SFPQ: variants seen among roughly 807,000 people sequenced by gnomAD.
SFPQ encodes the protein splicing factor, proline- and glutamine-rich.
A neutral mutation model predicts 72.9 loss-of-function variants in SFPQ; 11 were observed. The observed-to-expected ratio is 0.15, with a 90% CI of 0.09 to 0.25. The LOEUF is 0.25. Among genes scored for constraint, SFPQ ranks in the 10% least tolerant of loss-of-function variants. SFPQ has a pLI of 1.00. For synonymous variants in SFPQ, 506 were observed against 367.3 expected (o/e 1.38, Z -4.32); for missense variants, 847 against 993.3 (o/e 0.85, Z 1.98).
intron 9 of SFPQ, among the ~76,000 whole-genome samples, chr1:35,185,582 CTT>C (rs934603765): frequency 2.8e-4 from 42 of 152,294 alleles, no homozygotes; most frequent in African/African-American, 9.9e-4. Flanking sequence ...GCAGCCTACA[CTT>C]TTTCTCATTC....
chr1:35,192,873 C>A lies in SFPQ; in HGVS notation c.177G>T (p.Pro59=). ...PGPGQSGPKP[P]IPPPPPHQQQ... ...GTTGGTGTGGAGGCGGTGGCGGGATCGGAGGCTTAGGGCCGCTCTGGCCCG... is the reference window on the plus strand; with the variant it reads ...GTTGGTGTGGAGGCGGTGGCGGGATAGGAGGCTTAGGGCCGCTCTGGCCCG... The change falls in exon 1 of 10, where the codon CCG becomes CCT. Residue 59 remains proline, a synonymous_variant. Transcript: ENST00000357214. 1 of 1,534,594 alleles carries A rather than the reference C, an allele frequency of 6.5e-7. No homozygotes were observed. Among genetic ancestry groups the A allele is most frequent in the Non-Finnish European group, 8.7e-7 (1 of 1,149,570 alleles).
downstream of SFPQ, chr1:35,179,770 C>G (rs1183374789): frequency 2.8e-6 from 3 of 1,054,946 alleles, no homozygotes; most frequent in Non-Finnish European, 1.1e-6. Context: ...CAAGTACATT[C>G]TCTAAAAATT....
chr1:35,184,210 A>G lies in SFPQ; in HGVS notation c.*246T>C, dbSNP rs1443573061. ...TCAGTGGCACAAGGTACACTGCCAT[A>G]AACTTGAGGGACATTATACAGTAAA... is the stretch of plus-strand genomic sequence containing the variant. On this transcript the variant is annotated 3_prime_UTR_variant, in exon 10 of 10. Transcript: ENST00000357214. 1 of 1,122,662 alleles carries G rather than the reference A, an allele frequency of 8.9e-7. No homozygotes were observed. The highest frequency in any genetic ancestry group is 1.0e-6 in the Non-Finnish European group (1 of 968,118). The allele number at this position is 1,122,662 out of a possible 1,614,324, so 69.5% of individuals were successfully genotyped here. A position where few individuals can be genotyped will look rare whatever the true frequency, so the allele number is the denominator to read the frequency against.
At chr1:35,189,553 G>A (rs963716288) in intron 4 of SFPQ, among the ~76,000 whole-genome samples, 171 bp from the exon 5 acceptor site, 1 of 152,180 alleles carries the variant, frequency 6.6e-6, no homozygotes, top group East Asian at 1.9e-4. Context: ...AGAACACTCA[G>A]TAAAAGAATG....
intron 2 of SFPQ, 88 bp from the exon 3 acceptor site, chr1:35,191,083 T>A (rs1639972043): frequency 8.3e-7 from 1 of 1,199,774 alleles, no homozygotes; most frequent in Non-Finnish European, 1.2e-6. Context: ...CTACTCCCTT[T>A]CTTCCTTCAG....
Position 35,183,682 on chromosome 1 carries a change from A to G in SFPQ, c.*774T>C, listed in dbSNP as rs182747612. On this transcript the variant is annotated 3_prime_UTR_variant, in exon 10 of 10. Coordinates refer to ENST00000357214, the MANE Select transcript of SFPQ (RefSeq NM_005066.3). ...CTTGAGATTTGTTGGTCTTTTAAAA[A>G]CAAGAAATGGGGAAATGCAACAAAA... 9.6e-6 allele frequency: 10 copies of G among 1,040,438 alleles called. No homozygotes were observed. The highest frequency in any genetic ancestry group is 1.2e-5 in the Non-Finnish European group (10 of 863,382). 64.5% of individuals were successfully genotyped at this position (1,040,438 alleles called of 1,614,324 possible).
At chr1:35,188,882 A>G in intron 6 of SFPQ, 121 bp downstream of exon 6, 1 of 742,628 alleles carries the variant, frequency 1.3e-6, no homozygotes, top group South Asian at 1.7e-5. Context: ...AATCGCTTGA[A>G]CCCAGGAAGC....
Position 35,184,385 on chromosome 1 carries a change from G to A in SFPQ, c.*71C>T, listed in dbSNP as rs913900705. 6.4e-7 allele frequency: 1 copy of A among 1,569,226 alleles called. No individual in the cohort carries two copies. Among genetic ancestry groups the A allele is most frequent in the East Asian group, 2.3e-5 (1 of 43,074 alleles). On this transcript the variant is annotated 3_prime_UTR_variant, in exon 10 of 10. Coordinates refer to ENST00000357214, the MANE Select transcript of SFPQ (RefSeq NM_005066.3). ...AAAAAGATAGCTTTCTTACTAAAAT[G>A]CAAGAATTTAAAAGATTGGTATCTA...
At chr1:35,189,490 A>C in intron 4 of SFPQ, 108 bp from the exon 5 acceptor site, 5 of 861,388 alleles carry the variant, frequency 5.8e-6, no homozygotes, top group Non-Finnish European at 8.7e-6. Flanking sequence ...AAGAGTACAA[A>C]AGGCAAAAAT....
chr1:35,190,809 C>T lies in SFPQ; in HGVS notation c.1204G>A (p.Val402Ile). The T allele has an allele frequency of 6.2e-7, 1 of 1,614,194 alleles. No individual in the cohort carries two copies. Among genetic ancestry groups the T allele is most frequent in the Non-Finnish European group, 8.5e-7 (1 of 1,180,038 alleles). ...GATCTTCCACGATCATCCACTATTA[C>T]AACAGCCCTTTCAATAGGACCAAAT... ...SQFGPIERAV[V>I]IVDDRGRSTG... Residue 402 changes from valine to isoleucine, a missense_variant, in exon 3 of 10, where the codon GTA becomes ATA. Around this residue, in one of 6 missense-constraint regions of SFPQ, gnomAD observed 132 missense variants for 255.4 expected, o/e 0.52. Coordinates refer to ENST00000357214, the MANE Select transcript of SFPQ (RefSeq NM_005066.3).
chr1:35,181,692 C>A (rs1639475059), downstream of SFPQ: 1 of 1,060,826 alleles, frequency 9.4e-7, no homozygotes, highest in African/African-American at 1.6e-5. Context: ...GAAATGGGGA[C>A]AAGTGGTTTC....
downstream of SFPQ, chr1:35,181,436 T>C (rs540375667): frequency 1.9e-6 from 2 of 1,063,556 alleles, no homozygotes; most frequent in Admixed American, 5.3e-5. Flanking sequence ...CCCCATTTTT[T>C]AGCTGTTTAT....
intron 6 of SFPQ, among the ~76,000 whole-genome samples, chr1:35,188,759 C>T (rs1019323817): frequency 6.6e-6 from 1 of 152,186 alleles, no homozygotes; most frequent in Non-Finnish European, 1.5e-5. Context: ...GAGTTCAAGG[C>T]CAGCCTGGCC....
chr1:35,179,941 T>C, downstream of SFPQ: 5 of 1,054,778 alleles, frequency 4.7e-6, no homozygotes, highest in Non-Finnish European at 5.7e-6. Flanking sequence ...ATATTGAGCA[T>C]TATACTTGAT....
At chr1:35,186,519 G>A (rs1275885247) in intron 9 of SFPQ, among the ~76,000 whole-genome samples, 1 of 152,126 alleles carries the variant, frequency 6.6e-6, no homozygotes, top group Non-Finnish European at 1.5e-5. Context: ...CCTTTTCATA[G>A]GATAGAAGCC....
At chr1:35,191,663 TGA>T (rs1245019112) in intron 1 of SFPQ, 134 bp from the exon 2 acceptor site, 1 of 659,102 alleles carries the variant, frequency 1.5e-6, no homozygotes, top group Non-Finnish European at 2.6e-6. Context: ...TTTTACTATG[TGA>T]GATTTCTAAC....
At chr1:35,181,633 A>T (rs1218239160), downstream of SFPQ, 1 of 1,060,592 alleles carries the variant, frequency 9.4e-7, no homozygotes, top group Non-Finnish European at 1.1e-6. Flanking sequence ...AAGTATAAAA[A>T]ACAACCAGTG....
At position 35,183,201 on chromosome 1, in the gene SFPQ, A is replaced by C; in HGVS notation, c.*1255T>G. 1 of 1,014,998 alleles carries C rather than the reference A, an allele frequency of 9.9e-7. No homozygotes were observed. The highest frequency in any genetic ancestry group is 1.2e-6 in the Non-Finnish European group (1 of 846,908). 62.9% of individuals were successfully genotyped at this position (1,014,998 alleles called of 1,614,324 possible). On this transcript the variant is annotated 3_prime_UTR_variant, in exon 10 of 10. Transcript: ENST00000357214. ...GTTACAGAGTACAAATGTATATATAACTAAACCTACTTCAGTACTAAACCT... is the reference window on the plus strand; with the variant it reads ...GTTACAGAGTACAAATGTATATATACCTAAACCTACTTCAGTACTAAACCT...
In SFPQ at chr1:35,184,005, G is replaced by T; in HGVS notation, c.*451C>A. 1.9e-6 allele frequency: 2 copies of T among 1,056,878 alleles called. No homozygotes were observed. Among genetic ancestry groups the T allele is most frequent in the Non-Finnish European group, 2.3e-6 (2 of 873,874 alleles). 65.5% of individuals were successfully genotyped at this position (1,056,878 alleles called of 1,614,324 possible). On this transcript the variant is annotated 3_prime_UTR_variant, in exon 10 of 10. Transcript: ENST00000357214. ...AGAAAGCAATACTTAGCCTCCAGATGCATTTCCCAGAAATGGCATATGCCA... is the reference window on the plus strand; with the variant it reads ...AGAAAGCAATACTTAGCCTCCAGATTCATTTCCCAGAAATGGCATATGCCA...
Sources: allele counts gnomAD v4.1 joint callset (sites outside exome capture counted in the v4.1 genomes callset), GRCh38; gene constraint gnomAD v4.1.1; regional missense constraint gnomAD v4.1.1; transcripts MANE v1.5; gene names NCBI Gene and HGNC (gene_info 2026-07-23, HGNC 2026-07-21).